CDHR2: variants seen among roughly 807,000 people sequenced by gnomAD.
CDHR2 encodes cadherin related family member 2.
Under a neutral mutation model 138.6 loss-of-function variants are expected in CDHR2, and 104 were observed. That is an observed-to-expected ratio of 0.75 (90% CI 0.64 to 0.88). CDHR2 has a LOEUF of 0.88. Ranked by LOEUF, CDHR2 falls within the 40% of genes least tolerant of loss-of-function variation. The probability of loss-of-function intolerance (pLI) is 0.00; values close to 1 mark genes in which losing one functional copy is unlikely to be tolerated. For missense variants in CDHR2, 1,624 were observed against 1,727.6 expected, an observed-to-expected ratio of 0.94 and a Z score of 1.06; for synonymous variants, 755 against 742.8, an observed-to-expected ratio of 1.02 and a Z score of -0.27.
At chr5:176,592,638 T>C (rs1758917923) in intron 30 of CDHR2, 85 bp from the exon 31 acceptor site, 5 of 1,028,446 alleles carry the variant, frequency 4.9e-6, no homozygotes, top group Admixed American at 1.7e-5. Context: ...GTGATGGTGA[T>C]GGTGGTGATG....
rs776114772 is a variant in CDHR2 at position 176,578,039 on chromosome 5, G to C, written c.1518G>C (p.Thr506=). 11 of 1,611,474 alleles carry C rather than the reference G, an allele frequency of 6.8e-6. No homozygotes were observed. Among genetic ancestry groups the C allele is most frequent in the Non-Finnish European group, 9.3e-6 (11 of 1,178,182 alleles). ...GSVVTDSIHA[T]DPDTGAWGQI... is the part of the protein sequence containing the mutation. Reference sequence around the variant, plus strand: ...GCCATGTCTCTGCCTCACAGGCCACGGACCCAGACACGGGCGCGTGGGGCC... The same window carrying C: ...GCCATGTCTCTGCCTCACAGGCCACCGACCCAGACACGGGCGCGTGGGGCC... The change falls in exon 15 of 32, where the codon ACG becomes ACC. Residue 506 remains threonine, a synonymous_variant. Transcript: ENST00000261944.
At chr5:176,588,574 AGT>A (rs199793553) in intron 21 of CDHR2, among the ~76,000 whole-genome samples, 5,585 of 137,964 alleles carry the variant, frequency 0.04, 374 homozygotes, top group African/African-American at 0.15. Flanking sequence ...AGTGTGTGAG[AGT>A]GTGTGTGAGG....
intron 24 of CDHR2, 133 bp downstream of exon 24, chr5:176,589,749 C>T (rs554450544): frequency 1.3e-6 from 1 of 786,286 alleles, no homozygotes; most frequent in African/African-American, 1.7e-5. Flanking sequence ...GTCTTCAACC[C>T]TGTACTTTCA....
intron 7 of CDHR2, 69 bp downstream of exon 7, chr5:176,574,241 AG>A (rs1758305693): frequency 8.4e-7 from 1 of 1,187,244 alleles, no homozygotes; most frequent in African/African-American, 1.5e-5. Context: ...GACAACCCAC[AG>A]GGCCTGAACG....
At chr5:176,574,781 A>C (rs1014881229) in intron 7 of CDHR2, among the ~76,000 whole-genome samples, 1 of 152,220 alleles carries the variant, frequency 6.6e-6, no homozygotes, top group Non-Finnish European at 1.5e-5. Flanking sequence ...TTCAGTACAG[A>C]CGCAACCATT....
chr5:176,593,840 G>C (rs564968330), intron 31 of CDHR2, among the ~76,000 whole-genome samples: 1 of 152,152 alleles, frequency 6.6e-6, no homozygotes, highest in Admixed American at 6.5e-5. Context: ...GGTATAACAC[G>C]GTACAGGGAA....
intron 16 of CDHR2, among the ~76,000 whole-genome samples, chr5:176,580,349 T>C (rs921143168): frequency 1.3e-5 from 2 of 151,550 alleles, no homozygotes; most frequent in African/African-American, 4.9e-5. Flanking sequence ...GCCAACATAG[T>C]GAAACCCCAT....
intron 28 of CDHR2, 106 bp downstream of exon 28, chr5:176,590,793 T>G: frequency 1.9e-4 from 278 of 1,449,484 alleles, no homozygotes; most frequent in Non-Finnish European, 2.4e-4. Context: ...CAGGTATACA[T>G]GCATTCACTC....
intron 21 of CDHR2, among the ~76,000 whole-genome samples, chr5:176,588,438 AGTGT>A (rs770274099): frequency 2.5e-5 from 3 of 117,916 alleles, no homozygotes; most frequent in South Asian, 4.9e-4. Flanking sequence ...TGTCAGGATA[AGTGT>A]GTGAGTGTGA....
chr5:176,584,145 G>A, intron 17 of CDHR2, 45 bp from the exon 18 acceptor site: 1 of 1,533,714 alleles, frequency 6.5e-7, no homozygotes, highest in Non-Finnish European at 9.0e-7. Flanking sequence ...GCTCTGGGGA[G>A]GGTGAGATTG....
rs1414050770 is a variant in CDHR2, at chr5:176,562,920, C to G, written c.-15-2418C>G. Among the ~76,000 whole-genome samples, 4 of 152,180 alleles carry G rather than the reference C, an allele frequency of 2.6e-5. No homozygotes were observed. In the East Asian group the frequency reaches 5.8e-4, roughly 22 times the overall value. ...CATGTAAATGTATTACAATTACGCC[C>G]TATACATCAAAAGGCCTTTTTGTGA... On this transcript the variant is annotated intron_variant, in intron 1 of 31. Transcript: ENST00000261944.
upstream of CDHR2, among the ~76,000 whole-genome samples, chr5:176,544,451 C>CTCTTTCTCTGTTTCCTTT (rs371507296): frequency 6.8e-6 from 1 of 146,160 alleles, no homozygotes; most frequent in Non-Finnish European, 1.5e-5. Flanking sequence ...TTCTCTCTTT[C>CTCTTTCTCTGTTTCCTTT]CTTTTTTTGA....
chr5:176,565,029 G>A (rs974170448), intron 1 of CDHR2, among the ~76,000 whole-genome samples: 5 of 152,288 alleles, frequency 3.3e-5, no homozygotes, highest in Middle Eastern at 3.4e-3. Flanking sequence ...GTATCTTGGT[G>A]CCTTAGCAGC....
upstream of CDHR2, among the ~76,000 whole-genome samples, chr5:176,548,430 A>G (rs370723785): frequency 4.1e-4 from 63 of 152,344 alleles, 1 homozygote; most frequent in East Asian, 0.012. Context: ...AGGCCACCAC[A>G]TCGGGCAGCG....
At chr5:176,587,733 A>T (rs985742638) in intron 21 of CDHR2, among the ~76,000 whole-genome samples, 1 of 152,164 alleles carries the variant, frequency 6.6e-6, no homozygotes, top group African/African-American at 2.4e-5. Flanking sequence ...CATGGGTACA[A>T]GAGATGGACA....
chr5:176,566,417 A>G (rs922905414), intron 3 of CDHR2, among the ~76,000 whole-genome samples: 3 of 152,222 alleles, frequency 2.0e-5, no homozygotes, highest in African/African-American at 7.2e-5. Context: ...TAGATACCAC[A>G]TTCCCAGAAG....
chr5:176,547,537 G>A (rs900023206), upstream of CDHR2: 4 of 151,766 alleles, frequency 2.6e-5, no homozygotes, highest in African/African-American at 9.7e-5. Flanking sequence ...TTCTGACCTG[G>A]GCTGGTTCAG....
Position 176,543,225 on chromosome 5 carries a change from C to A in CDHR2, c.-16+456C>A, listed in dbSNP as rs1435446300. On this transcript the variant is annotated intron_variant, in intron 1 of 31. Coordinates refer to the CDHR2 transcript ENST00000510636. The surrounding 1 kb of genome is among the most constrained non-coding windows in gnomAD (Gnocchi z 4.0). ...GCCGCGTGCTCGCCGGCCCTGCGCC[C>A]GGGGCGCTCGGCGCAGGGTCCGGGC... Among the ~76,000 whole-genome samples the A allele has an allele frequency of 6.8e-6, 1 of 147,208 alleles. No homozygotes were observed. Among genetic ancestry groups the A allele is most frequent in the East Asian group, 2.0e-4 (1 of 5,066 alleles).
chr5:176,595,758 C>G lies in CDHR2; in HGVS notation c.*86C>G, dbSNP rs752206361. 8.5e-6 allele frequency: 11 copies of G among 1,290,508 alleles called. No homozygotes were observed. The highest frequency in any genetic ancestry group is 1.1e-5 in the Non-Finnish European group (11 of 966,150). The allele number at this position is 1,290,508 out of a possible 1,614,324, so 79.9% of individuals were successfully genotyped here. On this transcript the variant is annotated 3_prime_UTR_variant, in exon 32 of 32. Transcript: ENST00000261944. ...TCTCCCTGGAGATGAAAATATATGA[C>G]GCTGCCCTGCCTCCTGCTTTTGGCC...
Sources: gnomAD v4.1 joint callset for allele counts (sites outside exome capture counted in the v4.1 genomes callset) on GRCh38, gnomAD v4.1.1 for gene constraint, Gnocchi (gnomAD v3.1) non-coding constraint, MANE v1.5 for transcripts, NCBI Gene and HGNC (gene_info 2026-07-23, HGNC 2026-07-21) for gene names.